The following POU6F2 variants were observed in gnomAD, a reference collection of about 807,000 sequenced individuals.
The protein encoded by POU6F2 is POU domain, class 6, transcription factor 2.
A neutral mutation model predicts 71.3 loss-of-function variants in POU6F2; 31 were observed. The ratio of observed to expected loss-of-function variants is 0.43; its 90% CI spans 0.33 to 0.59. The LOEUF is 0.59. Among genes scored for constraint, POU6F2 ranks in the 20% least tolerant of loss-of-function variants. The pLI is 0.04. For synonymous variants in POU6F2, 347 were observed against 355.7 expected (o/e 0.98, Z 0.27); for missense variants, 783 against 856.8 (o/e 0.91, Z 1.07).
chr7:38,978,427 T>C (rs1372343608), intron 1 of POU6F2, among the ~76,000 whole-genome samples: 1 of 152,230 alleles, frequency 6.6e-6, no homozygotes, highest in South Asian at 2.1e-4. Flanking sequence ...AGGTAGTAGT[T>C]AATATTTTTC....
intron 1 of POU6F2, among the ~76,000 whole-genome samples, chr7:39,072,668 A>C (rs1430422351): frequency 1.3e-5 from 2 of 152,214 alleles, no homozygotes; most frequent in African/African-American, 4.8e-5. Flanking sequence ...TCCATCCAGC[A>C]GTGCCAATCT....
At chr7:39,362,258 C>T (rs1362601522) in intron 5 of POU6F2, among the ~76,000 whole-genome samples, 2 of 150,496 alleles carry the variant, frequency 1.3e-5, no homozygotes, top group Non-Finnish European at 1.5e-5. Flanking sequence ...TTTTTATTTC[C>T]TCTTGAAAGC....
At chr7:39,075,485 A>G (rs569744192) in intron 1 of POU6F2, among the ~76,000 whole-genome samples, 1 of 152,354 alleles carries the variant, frequency 6.6e-6, no homozygotes, top group African/African-American at 2.4e-5. Flanking sequence ...TTTTCTTCTC[A>G]ACTTTGTCAT....
intron 4 of POU6F2, among the ~76,000 whole-genome samples, chr7:39,333,001 G>T (rs778381113): frequency 1.3e-5 from 2 of 152,058 alleles, no homozygotes; most frequent in African/African-American, 4.8e-5. Context: ...CCTAGATGGG[G>T]TTATTCTGCA....
At chr7:39,243,742 A>T (rs1249954309) in intron 4 of POU6F2, among the ~76,000 whole-genome samples, 3 of 151,818 alleles carry the variant, frequency 2.0e-5, no homozygotes, top group Admixed American at 2.0e-4. Context: ...GGGTGTGAAA[A>T]CCCAGCTCTG....
At chr7:39,086,796 G>A (rs1250006708) in intron 2 of POU6F2, among the ~76,000 whole-genome samples, 1 of 152,154 alleles carries the variant, frequency 6.6e-6, no homozygotes. Flanking sequence ...TCATGCAACT[G>A]TGATCTCTAA....
intron 2 of POU6F2, among the ~76,000 whole-genome samples, chr7:39,180,350 A>G (rs778944646): frequency 6.6e-5 from 10 of 152,220 alleles, no homozygotes; most frequent in African/African-American, 1.2e-4. Context: ...TGAAATCTCA[A>G]TCGAAGCTTT....
chr7:39,366,652 G>A (rs1786508186), intron 5 of POU6F2, among the ~76,000 whole-genome samples: 1 of 152,098 alleles, frequency 6.6e-6, no homozygotes, highest in South Asian at 2.1e-4. Flanking sequence ...AGGTCTTTAG[G>A]AAAGCAGCGT....
chr7:39,125,697 A>G (rs1185414864), intron 2 of POU6F2, among the ~76,000 whole-genome samples: 1 of 152,118 alleles, frequency 6.6e-6, no homozygotes, highest in Non-Finnish European at 1.5e-5. Flanking sequence ...TTATCTTATA[A>G]TATCTCTCAC....
In POU6F2 at chr7:39,464,867, T is replaced by C. The variant is rs1279943764; in HGVS notation, c.*181T>C. The C allele has an allele frequency of 1.4e-5, 12 of 865,070 alleles. No individual in the cohort carries two copies. The highest frequency in any genetic ancestry group is 3.4e-5 in the African/African-American group (2 of 58,700). The allele number at this position is 865,070 out of a possible 1,614,324, so 53.6% of individuals were successfully genotyped here. A position where few individuals can be genotyped will look rare whatever the true frequency, so the allele number is the denominator to read the frequency against. ...GGACAGAATGGTTTCTACATGTCCG[T>C]TGGTTTTCCAAAAAGGAAAGAAGAA... On this transcript the variant is annotated 3_prime_UTR_variant, in exon 10 of 10. Transcript: ENST00000518318. The surrounding 1 kb of genome is among the most constrained non-coding windows in gnomAD (Gnocchi z 4.1).
At chr7:39,161,837 A>T (rs898307847) in intron 2 of POU6F2, among the ~76,000 whole-genome samples, 1 of 152,128 alleles carries the variant, frequency 6.6e-6, no homozygotes, top group African/African-American at 2.4e-5. Context: ...GTTTAAGTAC[A>T]TTTTGCCATG....
intron 5 of POU6F2, among the ~76,000 whole-genome samples, chr7:39,341,376 T>C (rs1033762466): frequency 6.6e-6 from 1 of 152,126 alleles, no homozygotes; most frequent in Non-Finnish European, 1.5e-5. Context: ...TATACAATTC[T>C]TACGATGGTG....
intron 5 of POU6F2, among the ~76,000 whole-genome samples, chr7:39,398,951 A>C (rs1431443691): frequency 6.6e-6 from 1 of 152,252 alleles, no homozygotes; most frequent in Non-Finnish European, 1.5e-5. Context: ...AGAGATGTGC[A>C]GCTAACTACG....
intron 1 of POU6F2, among the ~76,000 whole-genome samples, chr7:39,019,810 A>G (rs1334561465): frequency 6.6e-6 from 1 of 152,002 alleles, no homozygotes; most frequent in Admixed American, 6.6e-5. Flanking sequence ...TATTTTGTCA[A>G]ATCTTCTTCA....
At chr7:39,337,367 T>G (rs1785800579) in intron 4 of POU6F2, among the ~76,000 whole-genome samples, 1 of 152,202 alleles carries the variant, frequency 6.6e-6, no homozygotes, top group Non-Finnish European at 1.5e-5. Flanking sequence ...ACATTTAACA[T>G]TGGCCTATGT....
chr7:39,144,047 CCCTTCCTTCTCTCTTT>C (rs1466847032), intron 2 of POU6F2, among the ~76,000 whole-genome samples: 1 of 152,150 alleles, frequency 6.6e-6, no homozygotes, highest in African/African-American at 2.4e-5. Flanking sequence ...CTTCCTCCCT[CCCTTCCTTCTCTCTTT>C]CCTTCCTTCT....
At chr7:39,034,604 T>C (rs1252105355) in intron 1 of POU6F2, 1 of 257,016 alleles carries the variant, frequency 3.9e-6, no homozygotes, top group Non-Finnish European at 8.5e-6. Flanking sequence ...TGGACCAAAA[T>C]GAGTCCTGAG....
chr7:39,359,952 C>A (rs1194155569), intron 5 of POU6F2, among the ~76,000 whole-genome samples: 1 of 152,020 alleles, frequency 6.6e-6, no homozygotes, highest in East Asian at 1.9e-4. Context: ...TGTTGGCAAG[C>A]AATATTGTAA....
chr7:39,021,720 A>G (rs1789683748), intron 1 of POU6F2, among the ~76,000 whole-genome samples: 1 of 152,048 alleles, frequency 6.6e-6, no homozygotes, highest in South Asian at 2.1e-4. Context: ...AGGCACATAG[A>G]TATCATATTA....
Sources: gnomAD v4.1 joint callset for allele counts (sites outside exome capture counted in the v4.1 genomes callset) on GRCh38, gnomAD v4.1.1 for gene constraint, Gnocchi (gnomAD v3.1) non-coding constraint, MANE v1.5 for transcripts, NCBI Gene and HGNC (gene_info 2026-07-23, HGNC 2026-07-21) for gene names.